ADIPOR2: variants seen among roughly 807,000 people sequenced by gnomAD.
ADIPOR2 encodes the protein adiponectin receptor protein 2.
In ADIPOR2, 18 loss-of-function variants were observed where a neutral mutation model predicts 40.9. The observed-to-expected ratio is 0.44, with a 90% CI of 0.30 to 0.65. ADIPOR2 has a LOEUF of 0.65. Among genes scored for constraint, ADIPOR2 ranks in the 30% least tolerant of loss-of-function variants. The probability of loss-of-function intolerance (pLI) is 0.09; values close to 1 mark genes in which losing one functional copy is unlikely to be tolerated. For synonymous variants in ADIPOR2, 165 were observed against 166.4 expected, an observed-to-expected ratio of 0.99 and a Z score of 0.06; for missense variants, 283 against 479.2, an observed-to-expected ratio of 0.59 and a Z score of 3.82.
At chr12:1,713,897 T>TA (rs2094682649) in intron 1 of ADIPOR2, among the ~76,000 whole-genome samples, 1 of 152,052 alleles carries the variant, frequency 6.6e-6, no homozygotes, top group Non-Finnish European at 1.5e-5. Context: ...TTAACACTGA[T>TA]AAAGCTGTAC....
At position 1,787,043 on chromosome 12, in the gene ADIPOR2, T is replaced by G. The variant is rs1433205622; in HGVS notation, c.*971T>G. On this transcript the variant is annotated 3_prime_UTR_variant, in exon 8 of 8. Transcript: ENST00000357103. ...CTTCCTGGCATCCCGCTCACTTTTA[T>G]GGGAAGTCTTATTAGAGGGATGGGA... The G allele has an allele frequency of 6.6e-6, 1 of 152,238 alleles. No homozygotes were observed. The highest frequency in any genetic ancestry group is 1.5e-5 in the Non-Finnish European group (1 of 68,052). The allele number at this position is 152,238 out of a possible 1,614,324, so 9.4% of individuals were successfully genotyped here.
At chr12:1,776,912 A>G (rs577176005) in intron 3 of ADIPOR2, among the ~76,000 whole-genome samples, 55 of 152,340 alleles carry the variant, frequency 3.6e-4, no homozygotes, top group African/African-American at 1.0e-3. Context: ...TGATTTCCCT[A>G]TGAAGTAACT....
rs1391535131 is a variant in ADIPOR2, at chr12:1,725,081, A to G, written c.-86-29177A>G. On this transcript the variant is annotated intron_variant, in intron 1 of 7. Transcript: ENST00000357103. The stretch of plus-strand genomic sequence containing the variant: ...CTGTAAACAGATTTTTTAAGCCTAC[A>G]TTTTATCAGTCAACATCAGAAACAT... Among the ~76,000 whole-genome samples, 4 of 151,794 alleles carry G rather than the reference A, an allele frequency of 2.6e-5. No individual in the cohort carries two copies. In the East Asian group the frequency reaches 7.8e-4, roughly 30 times the overall value.
chr12:1,775,071 C>T (rs1414718265), intron 3 of ADIPOR2, among the ~76,000 whole-genome samples: 2 of 150,230 alleles, frequency 1.3e-5, no homozygotes, highest in Middle Eastern at 3.5e-3. Context: ...CTCCTGACCT[C>T]GTGATCTGCC....
At position 1,692,306 on chromosome 12, in the gene ADIPOR2, G is replaced by A. The variant is rs1004570341; in HGVS notation, c.-87+1115G>A. Reference sequence around the variant, plus strand: ...AGTTTGAAGTGACCTCTTATCAAAGGCCACCCTTATGTCTCCTTAAACGAC... The same window carrying A: ...AGTTTGAAGTGACCTCTTATCAAAGACCACCCTTATGTCTCCTTAAACGAC... On this transcript the variant is annotated intron_variant, in intron 1 of 7. Coordinates refer to ENST00000357103, the MANE Select transcript of ADIPOR2 (RefSeq NM_024551.3). Among the ~76,000 whole-genome samples the A allele has an allele frequency of 5.3e-5, 8 of 152,112 alleles. 1 individual carries two copies. The South Asian group carries it at 8.3e-4, about 16-fold the overall frequency.
intron 1 of ADIPOR2, among the ~76,000 whole-genome samples, chr12:1,728,431 A>T (rs1414645133): frequency 6.6e-6 from 1 of 151,526 alleles, no homozygotes; most frequent in Non-Finnish European, 1.5e-5. Flanking sequence ...TTAAAAAAAA[A>T]TGTTAACACG....
intron 1 of ADIPOR2, among the ~76,000 whole-genome samples, chr12:1,692,868 G>C (rs767008874): frequency 6.6e-6 from 1 of 152,040 alleles, no homozygotes; most frequent in Non-Finnish European, 1.5e-5. Flanking sequence ...ATAAAGATTT[G>C]ATTAGGCCTG....
At chr12:1,778,802 A>G (rs1009680118) in intron 4 of ADIPOR2, among the ~76,000 whole-genome samples, 4 of 152,240 alleles carry the variant, frequency 2.6e-5, no homozygotes, top group African/African-American at 9.6e-5. Flanking sequence ...GTAAGGATCT[A>G]ATAAATAACT....
chr12:1,722,451 G>C (rs1197537350), intron 1 of ADIPOR2, among the ~76,000 whole-genome samples: 1 of 152,156 alleles, frequency 6.6e-6, no homozygotes, highest in East Asian at 1.9e-4. Flanking sequence ...AGAGTTTAGG[G>C]CCAGGGATAA....
chr12:1,732,527 A>T (rs1280083199), intron 1 of ADIPOR2, among the ~76,000 whole-genome samples: 1 of 152,164 alleles, frequency 6.6e-6, no homozygotes, highest in Non-Finnish European at 1.5e-5. Context: ...TGTTGTATGG[A>T]TGTGTACCAC....
intron 4 of ADIPOR2, among the ~76,000 whole-genome samples, chr12:1,779,879 A>G (rs1862679787): frequency 6.6e-6 from 1 of 152,228 alleles, no homozygotes; most frequent in Non-Finnish European, 1.5e-5. Context: ...CTTTCTGTGT[A>G]GAACAGTGTA....
chr12:1,731,234 A>G (rs919386421), intron 1 of ADIPOR2, among the ~76,000 whole-genome samples: 1 of 152,120 alleles, frequency 6.6e-6, no homozygotes, highest in African/African-American at 2.4e-5. Context: ...GATGTTTTGT[A>G]GAGGCGGCAT....
intron 3 of ADIPOR2, among the ~76,000 whole-genome samples, chr12:1,776,135 A>C (rs1312544910): frequency 1.3e-5 from 2 of 152,174 alleles, no homozygotes; most frequent in African/African-American, 4.8e-5. Flanking sequence ...GAGTGTTAAG[A>C]GGGACACATC....
At chr12:1,730,637 A>C (rs1302442048) in intron 1 of ADIPOR2, 5 of 149,186 alleles carry the variant, frequency 3.4e-5, no homozygotes. Flanking sequence ...AACAAAAAAA[A>C]CCAAACAACA....
At chr12:1,770,163 C>T (rs552796344) in intron 2 of ADIPOR2, among the ~76,000 whole-genome samples, 1 of 152,186 alleles carries the variant, frequency 6.6e-6, no homozygotes, top group Non-Finnish European at 1.5e-5. Flanking sequence ...CTCAAGCCAT[C>T]CTCCTGTCTT....
intron 1 of ADIPOR2, among the ~76,000 whole-genome samples, chr12:1,710,079 T>G (rs1409302715): frequency 6.6e-6 from 1 of 152,220 alleles, no homozygotes; most frequent in African/African-American, 2.4e-5. Flanking sequence ...TCTGTAAAAA[T>G]GCACCAGTCA....
intron 1 of ADIPOR2, among the ~76,000 whole-genome samples, chr12:1,727,751 A>G (rs142752281): frequency 0.013 from 1,916 of 152,052 alleles, 15 homozygotes; most frequent in Middle Eastern, 0.031. Flanking sequence ...CCTATGCACC[A>G]GGGCAACTTC....
At position 1,787,270 on chromosome 12, in the gene ADIPOR2, A is replaced by C. The variant is rs189099288; in HGVS notation, c.*1198A>C. On this transcript the variant is annotated 3_prime_UTR_variant, in exon 8 of 8. Transcript: ENST00000357103. ...TGAGCTCATCTACATAGATTGGTAG[A>C]CCCTTCCTTTGGATTAGGAAAGATG... The C allele has an allele frequency of 3.9e-5, 6 of 152,092 alleles. No homozygotes were observed. The highest frequency in any genetic ancestry group is 1.2e-4 in the African/African-American group (5 of 41,410). The allele number at this position is 152,092 out of a possible 1,614,324, so 9.4% of individuals were successfully genotyped here.
At chr12:1,767,040 C>T (rs1054646310) in intron 2 of ADIPOR2, among the ~76,000 whole-genome samples, 14 of 152,126 alleles carry the variant, frequency 9.2e-5, no homozygotes, top group African/African-American at 2.9e-4. Context: ...GAAGCTGAGG[C>T]GGGTGGATCA....
Sources: gnomAD v4.1 joint callset for allele counts (sites outside exome capture counted in the v4.1 genomes callset) on GRCh38, gnomAD v4.1.1 for gene constraint, MANE v1.5 for transcripts, NCBI Gene and HGNC (gene_info 2026-07-23, HGNC 2026-07-21) for gene names.